The following LCLAT1 variants were observed in gnomAD, a reference collection of about 807,000 sequenced individuals.
The protein encoded by LCLAT1 is 1-AGP acyltransferase 8.
A neutral mutation model predicts 30.7 loss-of-function variants in LCLAT1; 11 were observed. The ratio of observed to expected loss-of-function variants is 0.36; its 90% CI spans 0.23 to 0.59. The LOEUF (loss-of-function observed/expected upper bound fraction) is 0.59. Among genes scored for constraint, LCLAT1 ranks in the 20% least tolerant of loss-of-function variants. The probability of loss-of-function intolerance (pLI) is 0.77; values close to 1 mark genes in which losing one functional copy is unlikely to be tolerated. For synonymous variants in LCLAT1, 155 were observed against 151.3 expected (o/e 1.02, Z -0.18); for missense variants, 402 against 458.6 (o/e 0.88, Z 1.13).
chr2:30,514,802 C>T (rs1685105596), intron 1 of LCLAT1, among the ~76,000 whole-genome samples: 1 of 152,176 alleles, frequency 6.6e-6, no homozygotes, highest in Non-Finnish European at 1.5e-5. Context: ...CTGTTTGGAT[C>T]CAGAGCAGGC....
Position 30,585,758 on chromosome 2 carries a change from T to C in LCLAT1, c.628+17582T>C, listed in dbSNP as rs149350579. ...CTAGTATTTGAACACCTTATCCCTG[T>C]TGCTCTTGGGTGGCACACAGTCAGC... On this transcript the variant is annotated intron_variant, in intron 5 of 5. Transcript: ENST00000379509. Among the ~76,000 whole-genome samples the C allele has an allele frequency of 2.3e-3, 345 of 152,308 alleles. 2 individuals carry two copies. The highest frequency in any genetic ancestry group is 4.6e-3 in the Admixed American group (70 of 15,290).
At position 30,560,317 on chromosome 2, in the gene LCLAT1, T is replaced by A. The variant is rs1046452682; in HGVS notation, c.365-1829T>A. 5.3e-5 allele frequency among the ~76,000 whole-genome samples: 8 copies of A among 151,282 alleles called. No individual in the cohort carries two copies. The South Asian group carries it at 1.7e-3, about 32-fold the overall frequency. On this transcript the variant is annotated intron_variant, in intron 3 of 5. Coordinates refer to ENST00000379509, the MANE Select transcript of LCLAT1 (RefSeq NM_001002257.3). ...GTGTGTGTGTGTGTGTGTGTGTGTG[T>A]GTGTGTGTATTATTTATTTATTTTG...
chr2:30,534,260 TGTGTG>T (rs1322742994), intron 3 of LCLAT1, among the ~76,000 whole-genome samples: 4 of 149,692 alleles, frequency 2.7e-5, no homozygotes, highest in African/African-American at 1.0e-4. Context: ...TGTGTGTGTG[TGTGTG>T]TGTGTGTGTT....
intron 1 of LCLAT1, among the ~76,000 whole-genome samples, chr2:30,495,616 G>A (rs1211605849): frequency 6.6e-6 from 1 of 152,244 alleles, no homozygotes; most frequent in East Asian, 1.9e-4. Flanking sequence ...GAGGGGTAGT[G>A]CCATTTTGTT....
chr2:30,482,604 G>A (rs1307476935), intron 1 of LCLAT1, among the ~76,000 whole-genome samples: 1 of 152,058 alleles, frequency 6.6e-6, no homozygotes, highest in African/African-American at 2.4e-5. Flanking sequence ...TGAATATGCT[G>A]TGTAGTAATG....
intron 3 of LCLAT1, among the ~76,000 whole-genome samples, chr2:30,541,039 C>G (rs1455300613): frequency 6.6e-6 from 1 of 152,146 alleles, no homozygotes; most frequent in Non-Finnish European, 1.5e-5. Context: ...TTGGGTTATA[C>G]AAATTCTTAG....
In LCLAT1 at chr2:30,485,900, A is replaced by G. The variant is rs1392387872; in HGVS notation, c.-5+38517A>G. 3.3e-5 allele frequency among the ~76,000 whole-genome samples: 5 copies of G among 152,132 alleles called. No individual in the cohort carries two copies. In the East Asian group the frequency reaches 9.6e-4, roughly 29 times the overall value. On this transcript the variant is annotated intron_variant, in intron 1 of 5. Transcript: ENST00000379509. Reference sequence around the variant, plus strand: ...GCTTCGTATTTGTCATATATGTTATATGTTTATAGAATAGTTTGAAATTGG... The same window carrying G: ...GCTTCGTATTTGTCATATATGTTATGTGTTTATAGAATAGTTTGAAATTGG...
intron 1 of LCLAT1, among the ~76,000 whole-genome samples, chr2:30,501,076 C>CTGTGTG (rs1553362946): frequency 5.2e-4 from 76 of 146,618 alleles, no homozygotes; most frequent in African/African-American, 8.5e-4. Flanking sequence ...TTGTTTTGTT[C>CTGTGTG]TGTGTGTGTG....
intron 1 of LCLAT1, among the ~76,000 whole-genome samples, chr2:30,523,201 CTG>C (rs927902175): frequency 2.0e-5 from 3 of 149,644 alleles, no homozygotes; most frequent in African/African-American, 7.4e-5. Context: ...CGTTGCAGGA[CTG>C]GGGGGCGGGG....
chr2:30,451,569 G>T (rs1304549567), intron 1 of LCLAT1, among the ~76,000 whole-genome samples: 1 of 151,862 alleles, frequency 6.6e-6, no homozygotes, highest in Non-Finnish European at 1.5e-5. Context: ...AGAACCTATT[G>T]TACATCAGCA....
chr2:30,604,440 A>G (rs1667333215), intron 5 of LCLAT1, among the ~76,000 whole-genome samples: 1 of 152,182 alleles, frequency 6.6e-6, no homozygotes, highest in African/African-American at 2.4e-5. Flanking sequence ...TCGCTTTCCA[A>G]ACTACTTAAT....
intron 4 of LCLAT1, among the ~76,000 whole-genome samples, chr2:30,567,524 G>T (rs2148448469): frequency 6.6e-6 from 1 of 152,140 alleles, no homozygotes; most frequent in Non-Finnish European, 1.5e-5. Context: ...AACAAACCAG[G>T]CATGGAGGCC....
intron 1 of LCLAT1, among the ~76,000 whole-genome samples, chr2:30,483,341 A>G (rs1001949928): frequency 4.6e-5 from 7 of 152,212 alleles, no homozygotes; most frequent in Non-Finnish European, 8.8e-5. Flanking sequence ...TAAAATAAAT[A>G]AAATTAAAAC....
In LCLAT1 at chr2:30,605,897, G is replaced by A. The variant is rs946130094; in HGVS notation, c.629-34220G>A. The A allele has an allele frequency of 1.9e-5, 10 of 513,584 alleles. No homozygotes were observed. The African/African-American group carries it at 2.1e-4, about 11-fold the overall frequency. The allele number at this position is 513,584 out of a possible 1,614,324, so 31.8% of individuals were successfully genotyped here. A position where few individuals can be genotyped will look rare whatever the true frequency, so the allele number is the denominator to read the frequency against. On this transcript the variant is annotated intron_variant, in intron 5 of 5. Coordinates refer to ENST00000379509, the MANE Select transcript of LCLAT1 (RefSeq NM_001002257.3). ...GAAACTGTTCCACCTCAGATCATCA[G>A]GCATTAGTTAGATTCTCATAAGGAG...
chr2:30,468,883 G>A lies in LCLAT1; in HGVS notation c.-5+21500G>A, dbSNP rs180715105. On this transcript the variant is annotated intron_variant, in intron 1 of 5. Coordinates refer to ENST00000379509, the MANE Select transcript of LCLAT1 (RefSeq NM_001002257.3). Reference sequence around the variant, plus strand: ...ACATTCCCACCAGCAATATATGAGGGTTGCAAATTTTCTGCATCCTTACCA... The same window carrying A: ...ACATTCCCACCAGCAATATATGAGGATTGCAAATTTTCTGCATCCTTACCA... Among the ~76,000 whole-genome samples, 215 of 152,174 alleles carry A rather than the reference G, an allele frequency of 1.4e-3. 1 individual carries two copies. Among genetic ancestry groups the A allele is most frequent in the Non-Finnish European group, 2.3e-3 (157 of 67,998 alleles).
At chr2:30,514,875 C>T (rs1685109801) in intron 1 of LCLAT1, among the ~76,000 whole-genome samples, 3 of 152,256 alleles carry the variant, frequency 2.0e-5, no homozygotes, top group South Asian at 4.1e-4. Context: ...ACTTTTGAAA[C>T]GTTTATATAC....
chr2:30,577,338 T>A (rs1666040469), intron 5 of LCLAT1, among the ~76,000 whole-genome samples: 1 of 151,926 alleles, frequency 6.6e-6, no homozygotes, highest in Admixed American at 6.6e-5. Flanking sequence ...TGTAGGAGAG[T>A]AAAGCTTAAG....
intron 5 of LCLAT1, among the ~76,000 whole-genome samples, chr2:30,608,941 G>A (rs1667600555): frequency 1.3e-5 from 2 of 151,888 alleles, no homozygotes; most frequent in Admixed American, 6.6e-5. Flanking sequence ...ATGCACAAGG[G>A]TGCCTGTTTC....
At chr2:30,532,272 T>A (rs1246291471) in intron 2 of LCLAT1, among the ~76,000 whole-genome samples, 2 of 152,336 alleles carry the variant, frequency 1.3e-5, no homozygotes, top group East Asian at 3.9e-4. Flanking sequence ...GGCTATACCT[T>A]GTTCAAGATT....
Sources: allele counts gnomAD v4.1 joint callset (sites outside exome capture counted in the v4.1 genomes callset), GRCh38; gene constraint gnomAD v4.1.1; transcripts MANE v1.5; gene names NCBI Gene and HGNC (gene_info 2026-07-23, HGNC 2026-07-21).